Variants in CADM2 observed in about 807,000 individuals in gnomAD.
CADM2 encodes the protein cell adhesion molecule 2.
Under a neutral mutation model 49.8 loss-of-function variants are expected in CADM2, and 12 were observed. That is an observed-to-expected ratio of 0.24 (90% CI 0.15 to 0.39). The LOEUF (loss-of-function observed/expected upper bound fraction) is 0.39, where lower values mean the gene tolerates loss of function less well. Ranked by LOEUF, CADM2 falls within the 10% of genes least tolerant of loss-of-function variation. CADM2 has a pLI of 1.00. For synonymous variants in CADM2, 214 were observed against 175.4 expected, an observed-to-expected ratio of 1.22 and a Z score of -1.74; for missense variants, 378 against 492.3, an observed-to-expected ratio of 0.77 and a Z score of 2.20.
At chr3:85,445,832 A>T (rs889191616) in intron 1 of CADM2, among the ~76,000 whole-genome samples, 3 of 152,196 alleles carry the variant, frequency 2.0e-5, no homozygotes, top group African/African-American at 7.2e-5. Context: ...TAAAAAGCCA[A>T]GTAGATGAAA....
chr3:85,715,320 T>C (rs752121426), intron 1 of CADM2, among the ~76,000 whole-genome samples: 28 of 152,154 alleles, frequency 1.8e-4, no homozygotes, highest in Non-Finnish European at 3.5e-4. Context: ...ATACCAATTA[T>C]GAGCAAAAAG....
chr3:85,028,784 G>A (rs2034846764), intron 1 of CADM2, among the ~76,000 whole-genome samples: 1 of 151,814 alleles, frequency 6.6e-6, no homozygotes. Flanking sequence ...AAGAAATCAG[G>A]AAACAAGATA....
intron 3 of CADM2, among the ~76,000 whole-genome samples, chr3:85,880,561 T>A (rs1285198443): frequency 6.6e-6 from 1 of 152,232 alleles, no homozygotes; most frequent in Admixed American, 6.5e-5. Flanking sequence ...AGGATAGTTT[T>A]ACTGGTTAAG....
At chr3:85,530,322 GTTT>G (rs57504567) in intron 1 of CADM2, among the ~76,000 whole-genome samples, 10 of 31,282 alleles carry the variant, frequency 3.2e-4, no homozygotes, top group Admixed American at 1.3e-3. Context: ...TCTTTTCTCC[GTTT>G]TTTTTTTTTT....
intron 1 of CADM2, among the ~76,000 whole-genome samples, chr3:85,660,871 G>A (rs552891413): frequency 6.7e-6 from 1 of 149,858 alleles, no homozygotes; most frequent in South Asian, 2.1e-4. Flanking sequence ...CTTTAAAATC[G>A]TGACTTCTAG....
At chr3:85,945,910 T>A (rs1202307756) in intron 7 of CADM2, among the ~76,000 whole-genome samples, 1 of 152,054 alleles carries the variant, frequency 6.6e-6, no homozygotes, top group Non-Finnish European at 1.5e-5. Context: ...TTCAACATAG[T>A]GTTGGAAGTT....
chr3:85,478,861 A>C (rs1399320265), intron 1 of CADM2, among the ~76,000 whole-genome samples: 2 of 151,970 alleles, frequency 1.3e-5, no homozygotes, highest in South Asian at 4.1e-4. Context: ...CCAATGTGGC[A>C]TGCTGTATGC....
intron 1 of CADM2, among the ~76,000 whole-genome samples, chr3:85,623,335 A>G (rs538617434): frequency 6.6e-6 from 1 of 152,280 alleles, no homozygotes; most frequent in African/African-American, 2.4e-5. Flanking sequence ...ATAGGGTTAA[A>G]CCATTTTGAT....
intron 1 of CADM2, among the ~76,000 whole-genome samples, chr3:85,032,712 T>C (rs1207705683): frequency 6.6e-6 from 1 of 152,144 alleles, no homozygotes; most frequent in Non-Finnish European, 1.5e-5. Flanking sequence ...TGGAATATCA[T>C]CTTTTGACTT....
intron 3 of CADM2, among the ~76,000 whole-genome samples, chr3:85,856,591 G>T (rs543319932): frequency 6.6e-5 from 10 of 152,150 alleles, no homozygotes; most frequent in Non-Finnish European, 1.5e-4. Context: ...TATGGTCAAG[G>T]ATTACAGGCA....
At chr3:85,028,140 T>A (rs1399642586) in intron 1 of CADM2, among the ~76,000 whole-genome samples, 2 of 152,216 alleles carry the variant, frequency 1.3e-5, no homozygotes, top group Non-Finnish European at 2.9e-5. Context: ...TAATCTGCAC[T>A]GGGTATTTTT....
chr3:85,611,561 A>G (rs980196968), intron 1 of CADM2, among the ~76,000 whole-genome samples: 75 of 151,708 alleles, frequency 4.9e-4, no homozygotes, highest in African/African-American at 1.8e-3. Flanking sequence ...ACTCTTAAAC[A>G]TATAGCAATA....
At chr3:85,885,826 T>C (rs911860544) in intron 4 of CADM2, among the ~76,000 whole-genome samples, 6 of 128,718 alleles carry the variant, frequency 4.7e-5, no homozygotes, top group Non-Finnish European at 9.3e-5. Context: ...CACTCCATCC[T>C]GGGCGACAGA....
rs35432857 is a variant in CADM2 at position 84,974,233 on chromosome 3, G to GTATATA, written c.61+14576_61+14581dup. ...AGACAAGCGAACTCTGTAATTATAT[G>GTATATA]TATATATATATATATACTTTGGAAA... On this transcript the variant is annotated intron_variant, in intron 1 of 9. Coordinates refer to ENST00000383699, the MANE Select transcript of CADM2 (RefSeq NM_001167675.2). Among the ~76,000 whole-genome samples the GTATATA allele has an allele frequency of 1.4e-3, 215 of 149,114 alleles. No individual in the cohort carries two copies. In the Middle Eastern group the frequency reaches 0.029, roughly 20 times the overall value.
chr3:85,393,089 T>TAAAA lies in CADM2; in HGVS notation c.62-333422_62-333419dup, dbSNP rs781046665. Among the ~76,000 whole-genome samples the TAAAA allele has an allele frequency of 6.7e-3, 860 of 128,336 alleles. 7 individuals are homozygous for TAAAA. Among genetic ancestry groups the TAAAA allele is most frequent in the African/African-American group, 0.016 (552 of 33,862 alleles). The allele number at this position is 128,336 out of a possible 152,430, so 84.2% of individuals were successfully genotyped here. On this transcript the variant is annotated intron_variant, in intron 1 of 9. Transcript: ENST00000383699. ...AACCTGGAGGCAAAAGTAAACTCTT[T>TAAAA]AAAAAAAAAAAAAAGAAAAGAAAAA...
At chr3:84,991,982 TA>T (rs1360874903) in intron 1 of CADM2, among the ~76,000 whole-genome samples, 1 of 152,194 alleles carries the variant, frequency 6.6e-6, no homozygotes, top group African/African-American at 2.4e-5. Context: ...CCCTGGTTAC[TA>T]GGTGTTAGGG....
intron 1 of CADM2, among the ~76,000 whole-genome samples, chr3:85,669,298 A>G (rs897500614): frequency 6.6e-6 from 1 of 152,154 alleles, no homozygotes; most frequent in African/African-American, 2.4e-5. Flanking sequence ...GGCCAAAACA[A>G]TTATCTGTGA....
At chr3:85,280,823 C>A (rs1576272169) in intron 1 of CADM2, among the ~76,000 whole-genome samples, 2 of 151,214 alleles carry the variant, frequency 1.3e-5, no homozygotes, top group South Asian at 2.1e-4. Context: ...ATCTAGTTAG[C>A]AAAACAGTTA....
chr3:85,359,210 A>C (rs2032125176), intron 1 of CADM2, among the ~76,000 whole-genome samples: 1 of 152,132 alleles, frequency 6.6e-6, no homozygotes, highest in South Asian at 2.1e-4. Flanking sequence ...CAGCAATTCT[A>C]AAAGAAATGG....
Sources: allele counts gnomAD v4.1 joint callset (sites outside exome capture counted in the v4.1 genomes callset), GRCh38; gene constraint gnomAD v4.1.1; transcripts MANE v1.5; gene names NCBI Gene and HGNC (gene_info 2026-07-23, HGNC 2026-07-21).